The following UBAP2L variants were observed in gnomAD, a reference collection of about 807,000 sequenced individuals.
The protein encoded by UBAP2L is ubiquitin-associated protein 2-like.
UBAP2L carries 12 observed loss-of-function variants against 130.6 expected under a neutral mutation model. The ratio of observed to expected loss-of-function variants is 0.09; its 90% confidence interval spans 0.06 to 0.15. The LOEUF is 0.15. UBAP2L is among the 10% of genes least tolerant of loss of function. The probability of loss-of-function intolerance (pLI) is 1.00; values close to 1 mark genes in which losing one functional copy is unlikely to be tolerated. For synonymous variants in UBAP2L, 503 were observed against 524.7 expected (o/e 0.96, Z 0.57); for missense variants, 965 against 1,332.5 (o/e 0.72, Z 4.29).
intron 2 of UBAP2L, among the ~76,000 whole-genome samples, chr1:154,226,966 G>A (rs1668147386): frequency 6.6e-6 from 1 of 152,146 alleles, no homozygotes; most frequent in South Asian, 2.1e-4. Flanking sequence ...GGACCTACAG[G>A]TGTGCACCAC....
intron 1 of UBAP2L, among the ~76,000 whole-genome samples, chr1:154,221,670 C>T (rs1380513994): frequency 6.6e-6 from 1 of 152,220 alleles, no homozygotes; most frequent in Non-Finnish European, 1.5e-5. Context: ...ATCCTCCACC[C>T]GTGGGCTTGC....
At chr1:154,249,160 G>A (rs937935865) in intron 11 of UBAP2L, 79 bp from the exon 12 acceptor site, 49 of 1,402,698 alleles carry the variant, frequency 3.5e-5, no homozygotes, top group South Asian at 1.7e-4. Flanking sequence ...ACTGGCTCTC[G>A]GTCTGGATAA....
In UBAP2L at chr1:154,250,921, G is replaced by T. The variant is rs563845574; in HGVS notation, c.1214-120G>T. The T allele has an allele frequency of 1.7e-4, 168 of 998,314 alleles. No homozygotes were observed. The South Asian group carries it at 2.7e-3, about 16-fold the overall frequency. The allele number at this position is 998,314 out of a possible 1,614,324, so 61.8% of individuals were successfully genotyped here. On this transcript the variant is annotated intron_variant, in intron 12 of 26. Coordinates refer to ENST00000428931, the MANE Select transcript of UBAP2L (RefSeq NM_014847.4). The stretch of plus-strand genomic sequence containing the variant: ...AAATGAGATTAAGCCCCAAAAGAGG[G>T]CCTGCTTATATGAGTTTCTGATTTT...
chr1:154,223,276 T>G (rs899879085), intron 1 of UBAP2L, among the ~76,000 whole-genome samples: 1 of 152,206 alleles, frequency 6.6e-6, no homozygotes, highest in African/African-American at 2.4e-5. Flanking sequence ...TATGCAATAG[T>G]GTATAGCTAG....
intron 2 of UBAP2L, 103 bp from the exon 3 acceptor site, chr1:154,227,179 C>CA: frequency 1.0e-6 from 1 of 964,442 alleles, no homozygotes. Flanking sequence ...TCATTTGTTA[C>CA]AAGGAAAAGA....
chr1:154,234,556 T>C, intron 4 of UBAP2L, 35 bp from the exon 5 acceptor site: 1 of 1,610,322 alleles, frequency 6.2e-7, no homozygotes, highest in Non-Finnish European at 8.5e-7. Context: ...TAGCACTCCA[T>C]ATTGATTAGA....
At chr1:154,254,947 G>A (rs2148937026) in intron 16 of UBAP2L, 57 bp downstream of exon 16, 2 of 1,566,622 alleles carry the variant, frequency 1.3e-6, no homozygotes, top group Non-Finnish European at 1.7e-6. Context: ...TCTTAAAATG[G>A]TGATAATCCA....
intron 4 of UBAP2L, 24 bp downstream of exon 4, chr1:154,228,749 A>C: frequency 6.4e-7 from 1 of 1,560,514 alleles, no homozygotes; most frequent in Non-Finnish European, 8.8e-7. Flanking sequence ...AGAGTGTTCT[A>C]GGACATGGGT....
At chr1:154,238,340 GTTC>G (rs1323589940) in intron 8 of UBAP2L, among the ~76,000 whole-genome samples, 4 of 152,168 alleles carry the variant, frequency 2.6e-5, no homozygotes, top group African/African-American at 9.7e-5. Context: ...CATTAGAACT[GTTC>G]TTCATTCATC....
chr1:154,236,806 C>G (rs926112845), intron 7 of UBAP2L, among the ~76,000 whole-genome samples, 195 bp downstream of exon 7: 3 of 152,014 alleles, frequency 2.0e-5, no homozygotes, highest in African/African-American at 4.8e-5. Context: ...ATCAATATAC[C>G]TGTTCTTTTC....
chr1:154,229,080 C>T (rs1668933580), intron 4 of UBAP2L, among the ~76,000 whole-genome samples: 1 of 151,912 alleles, frequency 6.6e-6, no homozygotes, highest in South Asian at 2.1e-4. Context: ...AAGTCACACA[C>T]TATACTTGAT....
downstream of UBAP2L, chr1:154,270,966 G>A: frequency 6.5e-7 from 1 of 1,545,580 alleles, no homozygotes; most frequent in African/African-American, 1.4e-5. Flanking sequence ...CCTGAAGGCA[G>A]TGGAATAAAA....
intron 25 of UBAP2L, among the ~76,000 whole-genome samples, chr1:154,267,859 C>T (rs1241066425): frequency 7.7e-6 from 1 of 129,460 alleles, no homozygotes; most frequent in Non-Finnish European, 1.7e-5. Context: ...AGTGCTTCCA[C>T]ATTCCATCCT....
intron 8 of UBAP2L, among the ~76,000 whole-genome samples, chr1:154,241,215 C>G (rs2483709): frequency 6.6e-6 from 1 of 151,976 alleles, no homozygotes; most frequent in Non-Finnish European, 1.5e-5. Context: ...CAGCCTCCCG[C>G]GTAGCTGGGA....
rs572033096 is a variant in UBAP2L at position 154,249,415 on chromosome 1, A to G, written c.1191A>G (p.Gln397=). 1.5e-5 allele frequency: 25 copies of G among 1,614,122 alleles called. No homozygotes were observed. The African/African-American group carries it at 1.7e-4, about 11-fold the overall frequency. The change falls in exon 12 of 27, where the codon CAA becomes CAG. Residue 397 remains glutamine (Q), a synonymous_variant. Coordinates refer to ENST00000428931, the MANE Select transcript of UBAP2L (RefSeq NM_014847.4). The stretch of plus-strand genomic sequence containing the variant: ...CTTGGGACATGGGCTCGACGACACA[A>G]TCCCCATCACTGGTGCAGTATGGTG... ...TSSWDMGSTT[Q]SPSLVQYDLK...
intron 1 of UBAP2L, among the ~76,000 whole-genome samples, chr1:154,222,588 T>C (rs756006859): frequency 1.3e-5 from 2 of 152,232 alleles, no homozygotes; most frequent in Non-Finnish European, 1.5e-5. Context: ...TAACTAGATA[T>C]CAAGGTGGTG....
At chr1:154,263,453 T>A in intron 24 of UBAP2L, 1 of 1,185,612 alleles carries the variant, frequency 8.4e-7, no homozygotes, top group Non-Finnish European at 1.0e-6. Context: ...AGTTTCAACT[T>A]GTAACAAAAA....
intron 26 of UBAP2L, chr1:154,269,588 C>T (rs1684276797): frequency 7.8e-6 from 3 of 385,954 alleles, no homozygotes; most frequent in African/African-American, 6.3e-5. Flanking sequence ...CTCCCCAACA[C>T]CCTCTTTATC....
chr1:154,263,763 C>T (rs902226197), intron 24 of UBAP2L, among the ~76,000 whole-genome samples: 7 of 152,192 alleles, frequency 4.6e-5, no homozygotes, highest in Admixed American at 3.3e-4. Context: ...CCATTTAGAT[C>T]TTTCCTTTGC....
Sources: allele counts gnomAD v4.1 joint callset (sites outside exome capture counted in the v4.1 genomes callset), GRCh38; gene constraint gnomAD v4.1.1; transcripts MANE v1.5; gene names NCBI Gene and HGNC (gene_info 2026-07-23, HGNC 2026-07-21).